Variants in CFAP54 observed in about 807,000 individuals in gnomAD.
The protein encoded by CFAP54 is cilia and flagella associated protein 54.
A neutral mutation model predicts 370.4 loss-of-function variants in CFAP54; 290 were observed. The ratio of observed to expected loss-of-function variants is 0.78; its 90% CI spans 0.71 to 0.86. The LOEUF (loss-of-function observed/expected upper bound fraction) is 0.86. CFAP54 is among the 40% of genes least tolerant of loss of function. The pLI is 0.00. For synonymous variants in CFAP54, 1,206 were observed against 1,236.5 expected, an observed-to-expected ratio of 0.98 and a Z score of 0.52; for missense variants, 3,399 against 3,528.7, an observed-to-expected ratio of 0.96 and a Z score of 0.93.
chr12:96,804,658 G>A (rs1474434373), intron 63 of CFAP54, among the ~76,000 whole-genome samples: 18 of 151,904 alleles, frequency 1.2e-4, no homozygotes, highest in Admixed American at 1.1e-3. Context: ...CATGGTTTGC[G>A]AGCATCAATA....
At chr12:96,577,496 C>G (rs893708376) in intron 20 of CFAP54, among the ~76,000 whole-genome samples, 13 of 152,064 alleles carry the variant, frequency 8.5e-5, no homozygotes, top group Admixed American at 1.3e-4. Context: ...CTTTGATTCT[C>G]TTTAGGATGT....
At chr12:96,711,749 A>G (rs566360483) in intron 48 of CFAP54, among the ~76,000 whole-genome samples, 71 of 152,360 alleles carry the variant, frequency 4.7e-4, no homozygotes, top group African/African-American at 1.7e-3. Context: ...TTACTAATTT[A>G]ATGGTAAAGT....
At chr12:96,772,271 G>C (rs1319774995) in intron 60 of CFAP54, among the ~76,000 whole-genome samples, 1 of 152,034 alleles carries the variant, frequency 6.6e-6, no homozygotes, top group East Asian at 1.9e-4. Context: ...TTGTCTTTTG[G>C]TTCTGGAGGT....
chr12:96,792,281 A>C, intron 62 of CFAP54, 48 bp from the exon 63 acceptor site: 1 of 1,409,630 alleles, frequency 7.1e-7, no homozygotes, highest in South Asian at 1.5e-5. Context: ...CATATATGTA[A>C]CAAATTTATT....
chr12:96,641,652 A>G (rs1365422232), intron 32 of CFAP54, among the ~76,000 whole-genome samples: 4 of 152,162 alleles, frequency 2.6e-5, no homozygotes, highest in Non-Finnish European at 5.9e-5. Context: ...GGCACTATTC[A>G]CAATAGCAAA....
chr12:96,611,085 C>T (rs902188764), intron 26 of CFAP54, among the ~76,000 whole-genome samples: 3 of 152,214 alleles, frequency 2.0e-5, no homozygotes, highest in Non-Finnish European at 2.9e-5. Flanking sequence ...GGACAGACTG[C>T]CTCCTCAAGT....
rs1217011233 is a variant in CFAP54 at position 96,630,131 on chromosome 12, A to G, written c.4142A>G (p.Tyr1381Cys). The G allele has an allele frequency of 4.0e-6, 6 of 1,493,404 alleles. No individual in the cohort carries two copies. The highest frequency in any genetic ancestry group is 1.7e-4 in the Middle Eastern group (1 of 5,766). 92.5% of individuals were successfully genotyped at this position (1,493,404 alleles called of 1,614,324 possible). The stretch of plus-strand genomic sequence containing the variant: ...CTACTTGGACTAATAAAAGTGAAAT[A>G]TAAGGATAGTGCTTTGAATAAAAAA... ...ESLLGLIKVKYKDSALNKKAN... is the reference protein window; with the variant it reads ...ESLLGLIKVKCKDSALNKKAN... The change falls in exon 31 of 68, where the codon TAT becomes TGT. Residue 1381 changes from tyrosine to cysteine, a missense_variant. Around this residue, in one of 3 missense-constraint regions of CFAP54, gnomAD observed 2,796 missense variants for 2,869.7 expected, o/e 0.97. Coordinates refer to ENST00000524981, the MANE Select transcript of CFAP54 (RefSeq NM_001306084.2).
intron 6 of CFAP54, among the ~76,000 whole-genome samples, chr12:96,520,829 G>A (rs978130673): frequency 3.9e-5 from 6 of 152,164 alleles, no homozygotes; most frequent in Non-Finnish European, 7.3e-5. Context: ...TCTTGTTAAC[G>A]ACCATAAATA....
intron 26 of CFAP54, among the ~76,000 whole-genome samples, chr12:96,607,888 A>G (rs1956317179): frequency 6.6e-6 from 1 of 152,162 alleles, no homozygotes; most frequent in African/African-American, 2.4e-5. Context: ...TCCAAAAATT[A>G]ATATCCAGGA....
Position 96,540,888 on chromosome 12 carries a change from G to A in CFAP54, c.1978G>A (p.Glu660Lys). The A allele has an allele frequency of 6.6e-7, 1 of 1,508,290 alleles. No individual in the cohort carries two copies. The highest frequency in any genetic ancestry group is 8.8e-7 in the Non-Finnish European group (1 of 1,134,826). The allele number at this position is 1,508,290 out of a possible 1,614,324, so 93.4% of individuals were successfully genotyped here. A position where few individuals can be genotyped will look rare whatever the true frequency, so the allele number is the denominator to read the frequency against. ...TGAAGTAATTCACTGCTATAAAATGGAAGACATTGACATTGTGGTAGTGGC... is the reference window on the plus strand; with the variant it reads ...TGAAGTAATTCACTGCTATAAAATGAAAGACATTGACATTGTGGTAGTGGC... ...INEVIHCYKM[E>K]DIDIVVVAEV... The change falls in exon 14 of 68, where the codon GAA (glutamate) becomes AAA (lysine). Residue 660 changes from glutamate to lysine, a missense_variant. Glu to Lys is a moderately conservative substitution (Grantham distance 56). Transcript: ENST00000524981.
At chr12:96,665,328 A>G (rs551339797) in intron 39 of CFAP54, among the ~76,000 whole-genome samples, 4 of 152,032 alleles carry the variant, frequency 2.6e-5, no homozygotes, top group African/African-American at 9.7e-5. Context: ...GTTTAATTAG[A>G]TCCCATTTGT....
At chr12:96,799,965 C>T (rs935390215) in intron 63 of CFAP54, among the ~76,000 whole-genome samples, 3 of 151,944 alleles carry the variant, frequency 2.0e-5, no homozygotes, top group Admixed American at 6.6e-5. Context: ...CTTCAGCATA[C>T]GTCAAATTTT....
intron 65 of CFAP54, among the ~76,000 whole-genome samples, chr12:96,823,136 G>C (rs73224640): frequency 1.9e-4 from 26 of 134,336 alleles, no homozygotes; most frequent in African/African-American, 5.2e-4. Context: ...GTGTGTGTGT[G>C]TCTGTGTGTG....
intron 1 of CFAP54, among the ~76,000 whole-genome samples, chr12:96,493,246 CA>C (rs1191282273): frequency 6.6e-6 from 1 of 152,138 alleles, no homozygotes; most frequent in Non-Finnish European, 1.5e-5. Context: ...ACTGGTTACA[CA>C]GTGGTGAACA....
chr12:96,662,858 T>C (rs1042153330), intron 38 of CFAP54, among the ~76,000 whole-genome samples: 1 of 151,794 alleles, frequency 6.6e-6, no homozygotes, highest in African/African-American at 2.4e-5. Context: ...TCTGTGAGGC[T>C]ATTCCACACT....
chr12:96,597,245 A>G (rs976241160), intron 25 of CFAP54, among the ~76,000 whole-genome samples: 2 of 152,044 alleles, frequency 1.3e-5, no homozygotes, highest in African/African-American at 2.4e-5. Flanking sequence ...AATTTATCTT[A>G]TAGAATAAAA....
Position 96,515,483 on chromosome 12 carries a change from A to G in CFAP54, c.798+2439A>G, listed in dbSNP as rs192049110. Among the ~76,000 whole-genome samples the G allele has an allele frequency of 2.7e-3, 404 of 152,304 alleles. 3 individuals carry two copies. Among genetic ancestry groups the G allele is most frequent in the African/African-American group, 8.9e-3 (370 of 41,570 alleles). Reference sequence around the variant, plus strand: ...TTTCACCAGTAATTCCCAAACCTCCAGTTGGTAAATTGATTCCTGAGCTGA... The same window carrying G: ...TTTCACCAGTAATTCCCAAACCTCCGGTTGGTAAATTGATTCCTGAGCTGA... On this transcript the variant is annotated intron_variant, in intron 5 of 67. Coordinates refer to ENST00000524981, the MANE Select transcript of CFAP54 (RefSeq NM_001306084.2).
intron 47 of CFAP54, among the ~76,000 whole-genome samples, chr12:96,708,374 G>A (rs1957568013): frequency 6.6e-6 from 1 of 152,040 alleles, no homozygotes; most frequent in Admixed American, 6.5e-5. Context: ...TGGCAGAGCT[G>A]GCCTCATGAG....
chr12:96,709,878 G>A (rs555794124), intron 48 of CFAP54, among the ~76,000 whole-genome samples: 230 of 151,962 alleles, frequency 1.5e-3, no homozygotes, highest in African/African-American at 5.4e-3. Flanking sequence ...CTGCCACCAC[G>A]CCCAGCTAAT....
Sources: allele counts gnomAD v4.1 joint callset (sites outside exome capture counted in the v4.1 genomes callset), GRCh38; gene constraint gnomAD v4.1.1; regional missense constraint gnomAD v4.1.1; transcripts MANE v1.5; gene names NCBI Gene and HGNC (gene_info 2026-07-23, HGNC 2026-07-21).